Variants in ARHGAP21 observed in about 807,000 individuals in gnomAD.
ARHGAP21 encodes the protein Rho GTPase activating protein 21.
A neutral mutation model predicts 164.6 loss-of-function variants in ARHGAP21; 38 were observed. The ratio of observed to expected loss-of-function variants is 0.23; its 90% CI spans 0.18 to 0.30. ARHGAP21 has a LOEUF of 0.30. Among genes scored for constraint, ARHGAP21 ranks in the 10% least tolerant of loss-of-function variants. The pLI is 1.00. For missense variants in ARHGAP21, 1,822 were observed against 2,370.7 expected, an observed-to-expected ratio of 0.77 and a Z score of 4.81; for synonymous variants, 766 against 857.9, an observed-to-expected ratio of 0.89 and a Z score of 1.87.
chr10:24,688,538 T>C (rs1842426056), intron 2 of ARHGAP21, among the ~76,000 whole-genome samples: 1 of 152,180 alleles, frequency 6.6e-6, no homozygotes, highest in East Asian at 1.9e-4. Context: ...GACAGACCAG[T>C]AAGAGAGTAC....
At chr10:24,631,128 C>T (rs902539093) in intron 6 of ARHGAP21, among the ~76,000 whole-genome samples, 3 of 152,136 alleles carry the variant, frequency 2.0e-5, no homozygotes, top group African/African-American at 7.2e-5. Flanking sequence ...CGTTCCCAGG[C>T]CAAGGTGGGT....
chr10:24,631,342 C>T (rs531218627), intron 6 of ARHGAP21, among the ~76,000 whole-genome samples: 2 of 152,064 alleles, frequency 1.3e-5, no homozygotes, highest in South Asian at 2.1e-4. Flanking sequence ...CCAGCCTGGG[C>T]AACAAGAGTG....
intron 4 of ARHGAP21, 139 bp downstream of exon 4, chr10:24,666,846 A>T: frequency 1.8e-6 from 1 of 545,288 alleles, no homozygotes; most frequent in Non-Finnish European, 3.1e-6. Flanking sequence ...AAAAACATTT[A>T]ATTCTATGAC....
chr10:24,688,384 C>T (rs1043652742), intron 2 of ARHGAP21, among the ~76,000 whole-genome samples: 12 of 151,824 alleles, frequency 7.9e-5, no homozygotes, highest in African/African-American at 2.9e-4. Context: ...CAGAGAAAGA[C>T]TCCGTCTCAA....
intron 9 of ARHGAP21, among the ~76,000 whole-genome samples, chr10:24,616,344 A>G (rs1438870332): frequency 1.3e-5 from 2 of 152,206 alleles, no homozygotes; most frequent in East Asian, 1.9e-4. Flanking sequence ...GTCCTGTCAT[A>G]TCACCACTGG....
intron 9 of ARHGAP21, among the ~76,000 whole-genome samples, chr10:24,613,638 C>T (rs771155884): frequency 6.6e-5 from 10 of 152,106 alleles, no homozygotes; most frequent in Non-Finnish European, 1.0e-4. Flanking sequence ...TCCCTATTCA[C>T]GTTTGCCATG....
At chr10:24,710,824 G>A (rs1844710990) in intron 2 of ARHGAP21, among the ~76,000 whole-genome samples, 3 of 152,190 alleles carry the variant, frequency 2.0e-5, no homozygotes, top group East Asian at 1.9e-4. Flanking sequence ...TAGCTGGTGC[G>A]GTGACTCCCG....
At chr10:24,594,608 G>A (rs1315552160) in intron 21 of ARHGAP21, among the ~76,000 whole-genome samples, 3 of 125,790 alleles carry the variant, frequency 2.4e-5, no homozygotes, top group African/African-American at 8.6e-5. Context: ...GTTTATGTCT[G>A]TTTTCCCTGT....
chr10:24,625,336 A>G (rs1835035667), intron 7 of ARHGAP21, among the ~76,000 whole-genome samples: 1 of 151,408 alleles, frequency 6.6e-6, no homozygotes, highest in Non-Finnish European at 1.5e-5. Context: ...TGAAGAATAA[A>G]TAAGGTGGTA....
In ARHGAP21 at chr10:24,606,223, A is replaced by G. The variant is rs2077019170; in HGVS notation, c.2684+1276T>C. ...ACAAATATTTCCTAAATTTAGCCAC[A>G]GAAAAAATTTTAAATATTTTTGCAT... is the stretch of plus-strand genomic sequence containing the variant. On this transcript the variant is annotated intron_variant, in intron 11 of 25. Coordinates refer to ENST00000396432, the MANE Select transcript of ARHGAP21 (RefSeq NM_020824.4). Among the ~76,000 whole-genome samples, 9 of 152,294 alleles carry G rather than the reference A, an allele frequency of 5.9e-5. No homozygotes were observed. In the South Asian group the frequency reaches 1.9e-3, roughly 32 times the overall value.
chr10:24,590,348 G>A (rs921134043), intron 24 of ARHGAP21: 27 of 1,535,124 alleles, frequency 1.8e-5, no homozygotes, highest in Admixed American at 5.9e-5. Flanking sequence ...TACAAGAATC[G>A]GGGATTTCTG....
intron 24 of ARHGAP21, chr10:24,590,547 A>G (rs926881657): frequency 1.3e-6 from 2 of 1,507,364 alleles, no homozygotes; most frequent in Non-Finnish European, 1.8e-6. Flanking sequence ...GACTAAAACA[A>G]GAACTAGAGA....
chr10:24,640,028 A>G (rs989537643), intron 4 of ARHGAP21: 23 of 152,122 alleles, frequency 1.5e-4, no homozygotes, highest in African/African-American at 5.5e-4. Context: ...GAAACAGATC[A>G]TGATAGTAAG....
At chr10:24,712,577 G>A (rs1844940905) in intron 2 of ARHGAP21, among the ~76,000 whole-genome samples, 2 of 152,194 alleles carry the variant, frequency 1.3e-5, no homozygotes, top group African/African-American at 4.8e-5. Flanking sequence ...TGGGAATAAT[G>A]ACAAGAACAA....
intron 14 of ARHGAP21, among the ~76,000 whole-genome samples, chr10:24,598,452 GTGAC>G (rs371864025): frequency 2.2e-4 from 34 of 152,324 alleles, no homozygotes; most frequent in African/African-American, 5.3e-4. Context: ...GAATTTGTTA[GTGAC>G]TGACTAATTT....
At chr10:24,656,237 C>A (rs1166671814) in intron 4 of ARHGAP21, among the ~76,000 whole-genome samples, 9 of 135,776 alleles carry the variant, frequency 6.6e-5, no homozygotes, top group African/African-American at 2.7e-4. Flanking sequence ...CCCGCCCGGC[C>A]AGCCGCCCCG....
At chr10:24,631,482 G>A (rs1835852654) in intron 6 of ARHGAP21, among the ~76,000 whole-genome samples, 1 of 152,158 alleles carries the variant, frequency 6.6e-6, no homozygotes. Context: ...CCCCAATACA[G>A]TCAAGAGATT....
intron 4 of ARHGAP21, among the ~76,000 whole-genome samples, chr10:24,636,292 G>A (rs1374895565): frequency 2.6e-5 from 4 of 152,122 alleles, no homozygotes; most frequent in East Asian, 1.9e-4. Flanking sequence ...GGAGGTACAC[G>A]GTAGTTCTAA....
chr10:24,708,911 A>T (rs942546555), intron 2 of ARHGAP21, among the ~76,000 whole-genome samples: 9 of 152,226 alleles, frequency 5.9e-5, no homozygotes, highest in Non-Finnish European at 2.9e-5. Context: ...ACAAGAGCAG[A>T]TATCTTTTTG....
Sources: allele counts gnomAD v4.1 joint callset (sites outside exome capture counted in the v4.1 genomes callset), GRCh38; gene constraint gnomAD v4.1.1; transcripts MANE v1.5; gene names NCBI Gene and HGNC (gene_info 2026-07-23, HGNC 2026-07-21).